VPS13D: variants seen among roughly 807,000 people sequenced by gnomAD.
The protein encoded by VPS13D is vacuolar protein sorting 13 homolog D, also known as intermembrane lipid transfer protein VPS13D.
In VPS13D, 187 loss-of-function variants were observed where a neutral mutation model predicts 461.9. That is an observed-to-expected ratio of 0.40 (90% confidence interval 0.36 to 0.46). The LOEUF (loss-of-function observed/expected upper bound fraction) is 0.46, where lower values mean the gene tolerates loss of function less well. Among genes scored for constraint, VPS13D ranks in the 20% least tolerant of loss-of-function variants. The pLI, the probability that VPS13D is intolerant of heterozygous loss-of-function variation, is 0.60. For missense variants in VPS13D, 4,711 were observed against 5,364.9 expected (o/e 0.88, Z 3.81); for synonymous variants, 1,951 against 1,986.3 (o/e 0.98, Z 0.47).
Position 12,386,249 on chromosome 1 carries a change from T to C in VPS13D, c.11549T>C (p.Val3850Ala). 1 of 1,613,858 alleles carries C rather than the reference T, an allele frequency of 6.2e-7. No homozygotes were observed. Among genetic ancestry groups the C allele is most frequent in the Non-Finnish European group, 8.5e-7 (1 of 1,179,888 alleles). ...ATTAATAAAGTCCCAGAAGAACTGGTCTTTGCAAGTCTTACAGGAATCAAT... is the reference window on the plus strand; with the variant it reads ...ATTAATAAAGTCCCAGAAGAACTGGCCTTTGCAAGTCTTACAGGAATCAAT... ...SLINKVPEEL[V>A]FASLTGINVH... is the part of the protein sequence containing the mutation. Residue 3850 changes from valine to alanine, a missense_variant, in exon 60 of 70, where the codon GTC becomes GCC. Around this residue, in one of 3 missense-constraint regions of VPS13D, gnomAD observed 4,411 missense variants for 4,937.8 expected, o/e 0.89. Coordinates refer to ENST00000620676, the MANE Select transcript of VPS13D (RefSeq NM_015378.4).
chr1:12,263,713 C>G (rs1641185052), intron 13 of VPS13D, among the ~76,000 whole-genome samples: 1 of 152,020 alleles, frequency 6.6e-6, no homozygotes, highest in African/African-American at 2.4e-5. Context: ...TTTTAAAAAG[C>G]CAGTTTGTTT....
At chr1:12,472,181 A>G (rs1287882508) in intron 67 of VPS13D, among the ~76,000 whole-genome samples, 1 of 152,172 alleles carries the variant, frequency 6.6e-6, no homozygotes, top group Non-Finnish European at 1.5e-5. Flanking sequence ...GACAGTCCCC[A>G]GAGAATCTGG....
At chr1:12,363,496 T>A (rs1242843825) in intron 52 of VPS13D, among the ~76,000 whole-genome samples, 1 of 152,210 alleles carries the variant, frequency 6.6e-6, no homozygotes, top group African/African-American at 2.4e-5. Flanking sequence ...ATATTTTGAT[T>A]ACCTGCAACT....
At chr1:12,395,989 A>C (rs1048349514) in intron 60 of VPS13D, among the ~76,000 whole-genome samples, 12 of 122,962 alleles carry the variant, frequency 9.8e-5, no homozygotes, top group African/African-American at 3.7e-4. Context: ...GGATAGAACT[A>C]ATAGGAGATA....
At chr1:12,398,735 G>A (rs1016096596) in intron 60 of VPS13D, among the ~76,000 whole-genome samples, 2 of 152,148 alleles carry the variant, frequency 1.3e-5, no homozygotes, top group East Asian at 1.9e-4. Flanking sequence ...TGACTTAATC[G>A]TTTCGTTCCC....
rs540649492 is a variant in VPS13D at position 12,355,706 on chromosome 1, G to A, written c.9680-193G>A. Among the ~76,000 whole-genome samples, 6 of 152,214 alleles carry A rather than the reference G, an allele frequency of 3.9e-5. No homozygotes were observed. In the South Asian group the frequency reaches 1.0e-3, roughly 26 times the overall value. On this transcript the variant is annotated intron_variant, in intron 47 of 69. Transcript: ENST00000620676. Reference sequence around the variant, plus strand: ...GATTATGCAATTTAGGCTCTCTAGTGTGATTCCAGGCCTTCTGGTTTGCTT... The same window carrying A: ...GATTATGCAATTTAGGCTCTCTAGTATGATTCCAGGCCTTCTGGTTTGCTT...
At chr1:12,297,783 A>G (rs1309664588) in intron 24 of VPS13D, among the ~76,000 whole-genome samples, 1 of 152,188 alleles carries the variant, frequency 6.6e-6, no homozygotes. Context: ...CATTGCCTTC[A>G]TGGAGTTTAT....
chr1:12,457,316 CTA>C (rs1645343036), intron 66 of VPS13D, among the ~76,000 whole-genome samples: 1 of 152,184 alleles, frequency 6.6e-6, no homozygotes, highest in African/African-American at 2.4e-5. Context: ...ATTTCCTTGT[CTA>C]TCAAAATCCT....
chr1:12,499,722 G>C (rs1015308180), intron 68 of VPS13D: 1 of 985,420 alleles, frequency 1.0e-6, no homozygotes, highest in Non-Finnish European at 1.2e-6. Flanking sequence ...GAATGCTGAA[G>C]GAGGCACGTG....
At chr1:12,346,301 C>T (rs1251925834) in intron 43 of VPS13D, among the ~76,000 whole-genome samples, 2 of 152,108 alleles carry the variant, frequency 1.3e-5, no homozygotes, top group Non-Finnish European at 2.9e-5. Context: ...AAAAACAAAA[C>T]CTTTTCAGGA....
intron 1 of VPS13D, among the ~76,000 whole-genome samples, chr1:12,230,845 C>A (rs1639946423): frequency 6.6e-6 from 1 of 152,098 alleles, no homozygotes; most frequent in African/African-American, 2.4e-5. Flanking sequence ...GCCGTTCCCT[C>A]CAGGTTTTAC....
chr1:12,505,156 GTCTCA>G lies in VPS13D; in HGVS notation c.12795-1691_12795-1687del, dbSNP rs201640525. Among the ~76,000 whole-genome samples, 1,106 of 152,266 alleles carry G rather than the reference GTCTCA, an allele frequency of 7.3e-3. 17 individuals carry two copies. The highest frequency in any genetic ancestry group is 0.026 in the African/African-American group (1,061 of 41,546). ...GCTCAGGGGTGTAGGCTGCTTCCGG[GTCTCA>G]TCTCAGATCCCCGCCAGTTCTGGCT... On this transcript the variant is annotated intron_variant, in intron 68 of 69. Transcript: ENST00000620676. The surrounding 1 kb of genome is among the most constrained non-coding windows in gnomAD (Gnocchi z 4.2).
At chr1:12,415,006 C>A in intron 63 of VPS13D, 81 bp from the exon 64 acceptor site, 1 of 1,523,536 alleles carries the variant, frequency 6.6e-7, no homozygotes, top group Non-Finnish European at 9.0e-7. Context: ...TGACTTGTAG[C>A]TTTAATGGAA....
At chr1:12,393,388 C>T (rs1295762405) in intron 60 of VPS13D, among the ~76,000 whole-genome samples, 5 of 152,228 alleles carry the variant, frequency 3.3e-5, no homozygotes, top group Non-Finnish European at 7.3e-5. Flanking sequence ...CAAATTGCTT[C>T]TGGTAGGCCT....
rs1485118003 is a variant in VPS13D at position 12,279,700 on chromosome 1, A to G, written c.4602+50A>G. ...AGTCATATGTTTATATTAGTACTCTATAAATATGATATATATTTATGTATA... is the reference window on the plus strand; with the variant it reads ...AGTCATATGTTTATATTAGTACTCTGTAAATATGATATATATTTATGTATA... On this transcript the variant is annotated intron_variant, in intron 20 of 69. Coordinates refer to ENST00000620676, the MANE Select transcript of VPS13D (RefSeq NM_015378.4). This position sits in a 1 kb window ranked among gnomAD's most constrained non-coding sequence, Gnocchi z 4.3. The G allele has an allele frequency of 3.5e-6, 5 of 1,416,292 alleles. No homozygotes were observed. Among genetic ancestry groups the G allele is most frequent in the Non-Finnish European group, 4.7e-6 (5 of 1,053,000 alleles). 87.7% of individuals were successfully genotyped at this position (1,416,292 alleles called of 1,614,324 possible).
In VPS13D at chr1:12,349,341, AC is replaced by A; in HGVS notation, c.9399del (p.Ser3134LeufsTer16). 6.2e-7 allele frequency: 1 copy of A among 1,613,844 alleles called. No individual in the cohort carries two copies. Among genetic ancestry groups the A allele is most frequent in the Non-Finnish European group, 8.5e-7 (1 of 1,179,998 alleles). ...AEISSSKREC[H>X]SMDTEKSRFF... ...ATTAGTAGCAGTAAACGAGAGTGCC[AC>A]TCTATGGACACAGAAAAAAGCCGAT... On this transcript the variant is annotated frameshift_variant, in exon 46 of 70. Coordinates refer to ENST00000620676, the MANE Select transcript of VPS13D (RefSeq NM_015378.4). LOFTEE classifies it high-confidence loss of function.
intron 40 of VPS13D, 124 bp downstream of exon 40, chr1:12,338,429 A>G: frequency 2.6e-6 from 2 of 774,788 alleles, no homozygotes; most frequent in East Asian, 5.0e-5. Flanking sequence ...GTACTTTAGT[A>G]ATAGGAAAGA....
chr1:12,288,425 G>C, intron 22 of VPS13D, 112 bp downstream of exon 22: 1 of 931,276 alleles, frequency 1.1e-6, no homozygotes, highest in Non-Finnish European at 1.7e-6. Context: ...GCAGTGGCTT[G>C]ATTGTGGTTA....
At chr1:12,321,634 G>A (rs144615192) in intron 32 of VPS13D, among the ~76,000 whole-genome samples, 175 bp from the exon 33 acceptor site, 135 of 152,268 alleles carry the variant, frequency 8.9e-4, no homozygotes, top group African/African-American at 2.8e-3. Flanking sequence ...GAACCACTGC[G>A]TGTGCTCTCG....
Sources: gnomAD v4.1 joint callset for allele counts (sites outside exome capture counted in the v4.1 genomes callset) on GRCh38, gnomAD v4.1.1 for gene constraint, gnomAD v4.1.1 regional missense constraint, Gnocchi (gnomAD v3.1) non-coding constraint, MANE v1.5 for transcripts, NCBI Gene and HGNC (gene_info 2026-07-23, HGNC 2026-07-21) for gene names.